The following TMEM11 variants were observed in gnomAD, a reference collection of about 807,000 sequenced individuals.
TMEM11 encodes transmembrane protein 11, mitochondrial.
A neutral mutation model predicts 17.0 loss-of-function variants in TMEM11; 1 was observed. The ratio of observed to expected loss-of-function variants is 0.06; its 90% confidence interval spans 0.02 to 0.28. The LOEUF (loss-of-function observed/expected upper bound fraction) is 0.28. TMEM11 is among the 10% of genes least tolerant of loss of function. The pLI, the probability that TMEM11 is intolerant of heterozygous loss-of-function variation, is 1.00. For missense variants in TMEM11, 172 were observed against 252.9 expected (o/e 0.68, Z 2.17); for synonymous variants, 122 against 118.1 (o/e 1.03, Z -0.21).
rs777725531 is a variant in TMEM11, at chr17:21,198,320, G to A, written c.*4C>T. On this transcript the variant is annotated 3_prime_UTR_variant, in exon 2 of 2. Transcript: ENST00000317635. This position sits in a 1 kb window ranked among gnomAD's most constrained non-coding sequence, Gnocchi z 6.5. ...GTTTTGCTTCGCTCCCTGTTCTACTGAAATCATACGGCATAGAGTTCGTAA... is the reference window on the plus strand; with the variant it reads ...GTTTTGCTTCGCTCCCTGTTCTACTAAAATCATACGGCATAGAGTTCGTAA... 8 of 1,606,928 alleles carry A rather than the reference G, an allele frequency of 5.0e-6. No homozygotes were observed. Among genetic ancestry groups the A allele is most frequent in the African/African-American group, 1.3e-5 (1 of 74,768 alleles).
rs534269740 is a variant in TMEM11, at chr17:21,205,385, C to T, written c.63-6545G>A. ...ATTCTAAGGCGGCAGAGCTCAGGGA[C>T]GTGCCACTGAAAGCCAACTATAAGG... On this transcript the variant is annotated intron_variant, in intron 1 of 1. Coordinates refer to ENST00000317635, the MANE Select transcript of TMEM11 (RefSeq NM_003876.3). Among the ~76,000 whole-genome samples, 58 of 152,120 alleles carry T rather than the reference C, an allele frequency of 3.8e-4. 1 individual carries two copies. Among genetic ancestry groups the T allele is most frequent in the Non-Finnish European group, 6.9e-4 (47 of 68,008 alleles).
chr17:21,209,840 C>G (rs1287602148), intron 1 of TMEM11, among the ~76,000 whole-genome samples: 1 of 152,222 alleles, frequency 6.6e-6, no homozygotes, highest in Non-Finnish European at 1.5e-5. Context: ...TAATGGACTG[C>G]AGGGACACGC....
At chr17:21,204,440 A>T (rs1487635228) in intron 1 of TMEM11, among the ~76,000 whole-genome samples, 10 of 75,674 alleles carry the variant, frequency 1.3e-4, no homozygotes, top group Admixed American at 2.7e-4. Flanking sequence ...CTCAATAAAA[A>T]AAAAAAAAAA....
intron 1 of TMEM11, among the ~76,000 whole-genome samples, chr17:21,199,655 A>G (rs1024476901): frequency 1.3e-5 from 2 of 152,156 alleles, no homozygotes; most frequent in African/African-American, 4.8e-5. Flanking sequence ...TGCAGAACAG[A>G]GGCAGAAAGG....
At chr17:21,207,879 A>AC (rs1974959990) in intron 1 of TMEM11, among the ~76,000 whole-genome samples, 1 of 151,944 alleles carries the variant, frequency 6.6e-6, no homozygotes, top group African/African-American at 2.4e-5. Context: ...CAAGAGCGAG[A>AC]CATTGTCTCA....
At chr17:21,201,553 G>A (rs563310813) in intron 1 of TMEM11, among the ~76,000 whole-genome samples, 12 of 152,284 alleles carry the variant, frequency 7.9e-5, no homozygotes, top group East Asian at 5.8e-4. Flanking sequence ...TAAAGTTCTC[G>A]GTGGAGTTTT....
intron 1 of TMEM11, chr17:21,213,130 C>T (rs1196979234): frequency 2.0e-5 from 3 of 152,240 alleles, no homozygotes; most frequent in Non-Finnish European, 2.9e-5. Context: ...GATAACTTTT[C>T]TGTTAGACAA....
intron 1 of TMEM11, among the ~76,000 whole-genome samples, chr17:21,200,962 TG>T (rs1291469431): frequency 6.6e-6 from 1 of 152,138 alleles, no homozygotes; most frequent in African/African-American, 2.4e-5. Context: ...CCTTCAAAGA[TG>T]GGAGCAATTC....
chr17:21,202,946 T>G (rs1243372414), intron 1 of TMEM11, among the ~76,000 whole-genome samples: 1 of 152,220 alleles, frequency 6.6e-6, no homozygotes, highest in African/African-American at 2.4e-5. Flanking sequence ...CGTCTTCATA[T>G]GGGCTGGGCA....
intron 1 of TMEM11, chr17:21,208,674 A>G (rs752922375): frequency 1.3e-5 from 2 of 152,302 alleles, no homozygotes; most frequent in East Asian, 1.9e-4. Context: ...AAGCATCCAC[A>G]TTAGGCCCCT....
chr17:21,204,284 A>G (rs937399902), intron 1 of TMEM11, among the ~76,000 whole-genome samples: 2 of 151,808 alleles, frequency 1.3e-5, no homozygotes, highest in Non-Finnish European at 2.9e-5. Context: ...AAATACAAAA[A>G]TTAGCTGGGT....
At chr17:21,208,632 C>G (rs1004270505) in intron 1 of TMEM11, 1 of 152,312 alleles carries the variant, frequency 6.6e-6, no homozygotes, top group Admixed American at 6.5e-5. Flanking sequence ...CTTCCCAGTT[C>G]TGAGAGACCC....
At chr17:21,201,338 C>T (rs2144290878) in intron 1 of TMEM11, among the ~76,000 whole-genome samples, 1 of 152,340 alleles carries the variant, frequency 6.6e-6, no homozygotes, top group Middle Eastern at 3.4e-3. Context: ...CCTCCTAATT[C>T]AATCATAGGC....
intron 1 of TMEM11, among the ~76,000 whole-genome samples, chr17:21,202,262 C>T (rs1181533418): frequency 2.0e-5 from 3 of 152,202 alleles, no homozygotes; most frequent in East Asian, 1.9e-4. Flanking sequence ...TCCAAGTCAG[C>T]TGTGCATCCT....
At chr17:21,205,114 C>T (rs529472673) in intron 1 of TMEM11, among the ~76,000 whole-genome samples, 8 of 152,226 alleles carry the variant, frequency 5.3e-5, no homozygotes, top group East Asian at 1.9e-4. Context: ...AGTTAAAAGG[C>T]GGCCACAGTG....
In TMEM11 at chr17:21,198,856, G is replaced by A. The variant is rs781687878; in HGVS notation, c.63-16C>T. On this transcript the variant is annotated splice_polypyrimidine_tract_variant and intron_variant, in intron 1 of 1. Transcript: ENST00000317635. This position sits in a 1 kb window ranked among gnomAD's most constrained non-coding sequence, Gnocchi z 6.5. ...CAAGCTCACCCTTTTGATGGAGGGG[G>A]CAGGAAAGGGAGAGAGAGAGAGAGA... 6.3e-7 allele frequency: 1 copy of A among 1,599,700 alleles called. No homozygotes were observed. Among genetic ancestry groups the A allele is most frequent in the East Asian group, 2.2e-5 (1 of 44,696 alleles).
intron 1 of TMEM11, chr17:21,208,374 G>C (rs914982889): frequency 3.3e-5 from 5 of 151,582 alleles, no homozygotes; most frequent in Admixed American, 2.6e-4. Context: ...TATCCCTTGA[G>C]GTAAAGGGAC....
chr17:21,198,865 G>GGAGA lies in TMEM11; in HGVS notation c.63-29_63-26dup. 4 of 1,553,166 alleles carry GGAGA rather than the reference G, an allele frequency of 2.6e-6. No homozygotes were observed. Among genetic ancestry groups the GGAGA allele is most frequent in the East Asian group, 2.3e-5 (1 of 43,372 alleles). ...CCTTTTGATGGAGGGGGCAGGAAAGGGAGAGAGAGAGAGAGACAGGATGAT... is the reference window on the plus strand; with the variant it reads ...CCTTTTGATGGAGGGGGCAGGAAAGGGAGAGAGAGAGAGAGAGAGACAGGATGAT... On this transcript the variant is annotated intron_variant, in intron 1 of 1. Transcript: ENST00000317635. The surrounding 1 kb of genome is among the most constrained non-coding windows in gnomAD (Gnocchi z 6.5).
At chr17:21,207,267 C>CGCCTGTAATCCCA (rs1974952193) in intron 1 of TMEM11, among the ~76,000 whole-genome samples, 1 of 152,160 alleles carries the variant, frequency 6.6e-6, no homozygotes, top group South Asian at 2.1e-4. Context: ...TGGTGGCTCA[C>CGCCTGTAATCCCA]GCCTGTAATC....
Sources: allele counts gnomAD v4.1 joint callset (sites outside exome capture counted in the v4.1 genomes callset), GRCh38; gene constraint gnomAD v4.1.1; non-coding constraint Gnocchi (gnomAD v3.1); transcripts MANE v1.5; gene names NCBI Gene and HGNC (gene_info 2026-07-23, HGNC 2026-07-21).